The following ULK4 variants were observed in gnomAD, a reference collection of about 807,000 sequenced individuals.
ULK4 encodes inactive serine/threonine-protein kinase ULK4.
ULK4 carries 133 observed loss-of-function variants against 160.6 expected under a neutral mutation model. That is an observed-to-expected ratio of 0.83 (90% CI 0.72 to 0.96). The LOEUF (loss-of-function observed/expected upper bound fraction) is 0.96, where lower values mean the gene tolerates loss of function less well. Ranked by LOEUF, ULK4 falls within the 40% of genes least tolerant of loss-of-function variation. The pLI is 0.00. For synonymous variants in ULK4, 534 were observed against 539.8 expected, an observed-to-expected ratio of 0.99 and a Z score of 0.15; for missense variants, 1,580 against 1,499.5, an observed-to-expected ratio of 1.05 and a Z score of -0.89.
rs913582232 is a variant in ULK4 at position 41,281,204 on chromosome 3, C to T, written c.3679-31630G>A. On this transcript the variant is annotated intron_variant, in intron 35 of 36. Coordinates refer to ENST00000301831, the MANE Select transcript of ULK4 (RefSeq NM_017886.4). ...AAGTCCAGGACCAGACGGATTCATACCAGAATTCTACTAGAGGTACAAAGA... is the reference window on the plus strand; with the variant it reads ...AAGTCCAGGACCAGACGGATTCATATCAGAATTCTACTAGAGGTACAAAGA... Among the ~76,000 whole-genome samples the T allele has an allele frequency of 1.2e-4, 19 of 152,098 alleles. 1 individual carries two copies. Among genetic ancestry groups the T allele is most frequent in the African/African-American group, 4.6e-4 (19 of 41,418 alleles).
rs2083984899 is a variant in ULK4, at chr3:41,471,319, G to A, written c.3227-8066C>T. ...GGATATAACAACTGTAAATATATAT[G>A]CACCCAACATCAGAGCACCAAAATT... On this transcript the variant is annotated intron_variant, in intron 32 of 36. Transcript: ENST00000301831. Among the ~76,000 whole-genome samples the A allele has an allele frequency of 3.3e-5, 5 of 152,126 alleles. No homozygotes were observed. The South Asian group carries it at 1.0e-3, about 32-fold the overall frequency.
intron 32 of ULK4, among the ~76,000 whole-genome samples, chr3:41,548,699 G>A (rs1417630561): frequency 1.9e-5 from 2 of 104,316 alleles, no homozygotes; most frequent in African/African-American, 7.6e-5. Flanking sequence ...TCCAGGACCT[G>A]AGCAAGCCAT....
intron 30 of ULK4, among the ~76,000 whole-genome samples, chr3:41,647,726 C>T (rs1172973461): frequency 6.6e-6 from 1 of 152,244 alleles, no homozygotes; most frequent in African/African-American, 2.4e-5. Flanking sequence ...CTCTTCAAAG[C>T]TGTCAGACAG....
At chr3:41,926,266 G>A (rs1222957338) in intron 5 of ULK4, among the ~76,000 whole-genome samples, 2 of 152,160 alleles carry the variant, frequency 1.3e-5, no homozygotes, top group Non-Finnish European at 2.9e-5. Context: ...GGGCCTGTTA[G>A]AAGGAAAACT....
chr3:41,515,686 C>A (rs2085726934), intron 32 of ULK4, among the ~76,000 whole-genome samples: 1 of 152,186 alleles, frequency 6.6e-6, no homozygotes, highest in African/African-American at 2.4e-5. Flanking sequence ...ACTATCAGAT[C>A]TCATGAGACG....
At chr3:41,262,890 C>T (rs1186499641) in intron 35 of ULK4, among the ~76,000 whole-genome samples, 1 of 149,284 alleles carries the variant, frequency 6.7e-6, no homozygotes, top group Non-Finnish European at 1.5e-5. Flanking sequence ...TAACTAACTA[C>T]AACAGCCAGT....
At chr3:41,541,266 A>T (rs1398303897) in intron 32 of ULK4, among the ~76,000 whole-genome samples, 2 of 152,156 alleles carry the variant, frequency 1.3e-5, no homozygotes, top group Non-Finnish European at 2.9e-5. Context: ...TTTTCCCAAC[A>T]CCATTTATTA....
At chr3:41,756,174 T>C (rs1044135917) in intron 21 of ULK4, among the ~76,000 whole-genome samples, 1 of 152,198 alleles carries the variant, frequency 6.6e-6, no homozygotes, top group Non-Finnish European at 1.5e-5. Context: ...TCCTTGACCC[T>C]TCTTTCCTTT....
intron 30 of ULK4, among the ~76,000 whole-genome samples, chr3:41,621,519 T>C (rs1195479509): frequency 3.3e-5 from 5 of 152,190 alleles, no homozygotes; most frequent in Admixed American, 2.0e-4. Flanking sequence ...GGGGAAAGGA[T>C]TCCCTATTTA....
intron 17 of ULK4, among the ~76,000 whole-genome samples, chr3:41,860,408 T>A: frequency 6.6e-6 from 1 of 152,182 alleles, no homozygotes; most frequent in East Asian, 1.9e-4. Context: ...GCTCCAGTGT[T>A]GGGTACATAT....
In ULK4 at chr3:41,717,838, T is replaced by C; in HGVS notation, c.2345A>G (p.Asp782Gly). The C allele has an allele frequency of 6.2e-7, 1 of 1,614,064 alleles. No homozygotes were observed. The highest frequency in any genetic ancestry group is 1.3e-5 in the African/African-American group (1 of 75,040). Reference protein sequence around the residue: ...QARLVMYIERDSRKTTPGKEQ... With the variant: ...QARLVMYIERGSRKTTPGKEQ... ...CTTGCCTGGAGTGGTCTTTCTGCTG[T>C]CTCTCTCGATGTACATCACCAGTCT... The change falls in exon 23 of 37, where the codon GAC becomes GGC. Residue 782 changes from aspartate to glycine, a missense_variant. Transcript: ENST00000301831.
intron 1 of ULK4, among the ~76,000 whole-genome samples, chr3:41,960,779 G>C (rs1234305881): frequency 1.3e-5 from 2 of 152,136 alleles, no homozygotes; most frequent in Non-Finnish European, 2.9e-5. Flanking sequence ...TTTTAAAGCT[G>C]TAACCTCTTA....
At chr3:41,602,067 G>T (rs1486405185) in intron 31 of ULK4, among the ~76,000 whole-genome samples, 2 of 151,952 alleles carry the variant, frequency 1.3e-5, no homozygotes, top group Non-Finnish European at 2.9e-5. Flanking sequence ...ATGGTGGTGT[G>T]TGCCTATAAT....
At chr3:41,540,228 G>A (rs1312946712) in intron 32 of ULK4, among the ~76,000 whole-genome samples, 6 of 151,748 alleles carry the variant, frequency 4.0e-5, no homozygotes, top group Non-Finnish European at 8.8e-5. Context: ...CCCCCAATAG[G>A]CCCCAGTGTG....
chr3:41,951,794 A>C (rs1473383036), intron 2 of ULK4, among the ~76,000 whole-genome samples: 1 of 152,160 alleles, frequency 6.6e-6, no homozygotes, highest in Non-Finnish European at 1.5e-5. Context: ...CATAAATAAA[A>C]TTAGTGTCCT....
intron 32 of ULK4, among the ~76,000 whole-genome samples, chr3:41,539,909 AT>A (rs2086636417): frequency 6.6e-6 from 1 of 152,104 alleles, no homozygotes; most frequent in Admixed American, 6.6e-5. Flanking sequence ...CTCATCCACT[AT>A]CTCAGCCAGT....
chr3:41,297,892 A>G (rs992593555), intron 35 of ULK4, among the ~76,000 whole-genome samples: 1 of 152,246 alleles, frequency 6.6e-6, no homozygotes, highest in Non-Finnish European at 1.5e-5. Context: ...ATCCAAGGTC[A>G]CAAAGGATGA....
chr3:41,583,553 AGAT>A lies in ULK4; in HGVS notation c.3121-17426_3121-17424del, dbSNP rs545897163. 7.5e-3 allele frequency among the ~76,000 whole-genome samples: 1,139 copies of A among 152,330 alleles called. 14 individuals carry two copies. The highest frequency in any genetic ancestry group is 0.026 in the African/African-American group (1,092 of 41,574). On this transcript the variant is annotated intron_variant, in intron 31 of 36. Coordinates refer to ENST00000301831, the MANE Select transcript of ULK4 (RefSeq NM_017886.4). ...AACAGTAACATATTACCTGCCAGGG[AGAT>A]GATGTTAGGCCAGGAAGCTCCTTCT...
chr3:41,689,061 T>C (rs1234900612), intron 27 of ULK4, among the ~76,000 whole-genome samples: 1 of 152,188 alleles, frequency 6.6e-6, no homozygotes, highest in African/African-American at 2.4e-5. Flanking sequence ...ACCAATCACA[T>C]AGGATGTCCT....
Sources: gnomAD v4.1 joint callset for allele counts (sites outside exome capture counted in the v4.1 genomes callset) on GRCh38, gnomAD v4.1.1 for gene constraint, MANE v1.5 for transcripts, NCBI Gene and HGNC (gene_info 2026-07-23, HGNC 2026-07-21) for gene names.